Variants in OPA1 observed in about 807,000 individuals in gnomAD.
The protein encoded by OPA1 is dynamin-like GTPase OPA1, mitochondrial.
In OPA1, 59 loss-of-function variants were observed where a neutral mutation model predicts 152.9. The observed-to-expected ratio is 0.39, with a 90% CI of 0.31 to 0.48. The LOEUF (loss-of-function observed/expected upper bound fraction) is 0.48, where lower values mean the gene tolerates loss of function less well. OPA1 is among the 20% of genes least tolerant of loss of function. The pLI is 0.96. For missense variants in OPA1, 1,008 were observed against 1,216.8 expected (o/e 0.83, Z 2.55); for synonymous variants, 400 against 389.9 (o/e 1.03, Z -0.31).
intron 29 of OPA1, among the ~76,000 whole-genome samples, chr3:193,686,254 G>C (rs934435138): frequency 2.0e-5 from 3 of 152,158 alleles, no homozygotes; most frequent in Admixed American, 6.5e-5. Context: ...TTTTGAAGTA[G>C]TGAAACTAAC....
chr3:193,631,121 G>T (rs923747635), intron 7 of OPA1, among the ~76,000 whole-genome samples: 1 of 152,150 alleles, frequency 6.6e-6, no homozygotes, highest in Admixed American at 6.5e-5. Flanking sequence ...TTATGGTACA[G>T]AAATGGATAC....
chr3:193,658,856 A>C, intron 23 of OPA1, 31 bp from the exon 24 acceptor site: 10 of 1,469,434 alleles, frequency 6.8e-6, no homozygotes, highest in Non-Finnish European at 9.5e-6. Flanking sequence ...ATGTAAAACA[A>C]GTTGGCTTTT....
chr3:193,645,940 A>G (rs1734523236), intron 18 of OPA1, 140 bp downstream of exon 18: 1 of 725,540 alleles, frequency 1.4e-6, no homozygotes, highest in South Asian at 1.8e-5. Context: ...AGTGAACTGT[A>G]TCTAATAAAC....
At position 193,694,817 on chromosome 3, in the gene OPA1, A is replaced by G. The variant is rs1722112290; in HGVS notation, c.*217A>G. On this transcript the variant is annotated 3_prime_UTR_variant, in exon 31 of 31. Coordinates refer to ENST00000361510, the MANE Select transcript of OPA1 (RefSeq NM_130837.3). ...ATGGATTAACATCCTATTTTGTTGT[A>G]CTAAAGTGACAAATCGGAATAATAT... is the stretch of plus-strand genomic sequence containing the variant. 6.6e-6 allele frequency: 1 copy of G among 152,238 alleles called. No homozygotes were observed. The highest frequency in any genetic ancestry group is 2.1e-4 in the South Asian group (1 of 4,830). The allele number at this position is 152,238 out of a possible 1,614,324, so 9.4% of individuals were successfully genotyped here. A position where few individuals can be genotyped will look rare whatever the true frequency, so the allele number is the denominator to read the frequency against.
intron 9 of OPA1, 134 bp downstream of exon 9, chr3:193,635,656 A>T (rs1011763994): frequency 9.1e-6 from 6 of 661,754 alleles, no homozygotes; most frequent in Non-Finnish European, 1.4e-5. Flanking sequence ...TGGAGGATGG[A>T]GGATCTCTTC....
In OPA1 at chr3:193,696,929, C is replaced by G. The variant is rs1035809028; in HGVS notation, c.*2329C>G. 1 of 152,180 alleles carries G rather than the reference C, an allele frequency of 6.6e-6. No individual in the cohort carries two copies. The highest frequency in any genetic ancestry group is 1.5e-5 in the Non-Finnish European group (1 of 68,040). 9.4% of individuals were successfully genotyped at this position (152,180 alleles called of 1,614,324 possible). A position where few individuals can be genotyped will look rare whatever the true frequency, so the allele number is the denominator to read the frequency against. On this transcript the variant is annotated 3_prime_UTR_variant, in exon 31 of 31. Coordinates refer to ENST00000361510, the MANE Select transcript of OPA1 (RefSeq NM_130837.3). ...CGTTTAACCCACTGTGCTATAGTTG[C>G]GGGTGGAACAGTCAACCTTTCTAGT...
At chr3:193,601,705 A>G (rs909584410) in intron 1 of OPA1, among the ~76,000 whole-genome samples, 1 of 152,218 alleles carries the variant, frequency 6.6e-6, no homozygotes, top group African/African-American at 2.4e-5. Context: ...CTGCAAGCAC[A>G]ATATACGTTT....
intron 4 of OPA1, 137 bp downstream of exon 4, chr3:193,617,422 A>T (rs867869680): frequency 4.6e-6 from 3 of 658,030 alleles, no homozygotes; most frequent in Non-Finnish European, 8.1e-6. Context: ...TTTTAAAAAG[A>T]TAAACACAAA....
chr3:193,600,656 C>T (rs1222280979), intron 1 of OPA1, among the ~76,000 whole-genome samples: 2 of 152,204 alleles, frequency 1.3e-5, no homozygotes, highest in Non-Finnish European at 1.5e-5. Context: ...GATTAAGGAT[C>T]ATAGTTCGCT....
chr3:193,671,547 A>AT (rs1219438166), intron 29 of OPA1, among the ~76,000 whole-genome samples: 2 of 152,174 alleles, frequency 1.3e-5, no homozygotes, highest in African/African-American at 2.4e-5. Context: ...TTTGAAGGGG[A>AT]TCCGAGGGTT....
chr3:193,626,090 A>G lies in OPA1; in HGVS notation c.679-2A>G, dbSNP rs754105429. On this transcript the variant is annotated splice_acceptor_variant, in intron 6 of 30. Transcript: ENST00000361510. LOFTEE classifies it high-confidence loss of function. ...CTTCTCCTCATTGTGAACTCGTGGC[A>G]GGGTCTGCTTGGTGAGCTCATTCTC... 5 of 1,612,000 alleles carry G rather than the reference A, an allele frequency of 3.1e-6. No homozygotes were observed. The African/African-American group carries it at 4.0e-5, about 13-fold the overall frequency.
chr3:193,613,839 A>G (rs1577152345), intron 1 of OPA1: 1 of 485,558 alleles, frequency 2.1e-6, no homozygotes, highest in South Asian at 1.5e-5. Context: ...CAGCCTCCCA[A>G]AGTGCTGGGA....
chr3:193,666,127 T>C (rs1716478983), intron 27 of OPA1, among the ~76,000 whole-genome samples, 169 bp from the exon 28 acceptor site: 1 of 152,174 alleles, frequency 6.6e-6, no homozygotes, highest in African/African-American at 2.4e-5. Context: ...ATTTCATGGC[T>C]CCGTACAGAA....
chr3:193,633,369 G>A (rs1732411895), intron 8 of OPA1, among the ~76,000 whole-genome samples: 1 of 152,106 alleles, frequency 6.6e-6, no homozygotes, highest in Non-Finnish European at 1.5e-5. Context: ...ATCTCTTCAG[G>A]ATGGCTACAA....
At chr3:193,675,258 G>A (rs1718710211) in intron 29 of OPA1, among the ~76,000 whole-genome samples, 3 of 149,086 alleles carry the variant, frequency 2.0e-5, no homozygotes, top group Admixed American at 1.3e-4. Context: ...GAATTTTAAA[G>A]GAAGAGAGGG....
At chr3:193,676,718 C>A (rs980979747) in intron 29 of OPA1, among the ~76,000 whole-genome samples, 3 of 152,114 alleles carry the variant, frequency 2.0e-5, no homozygotes, top group Non-Finnish European at 2.9e-5. Context: ...TGGTGGCTCA[C>A]GCCTGTAATC....
intron 29 of OPA1, among the ~76,000 whole-genome samples, chr3:193,678,014 CACAGTT>C (rs1175689684): frequency 6.6e-6 from 1 of 152,172 alleles, no homozygotes; most frequent in Non-Finnish European, 1.5e-5. Flanking sequence ...TTGTTGAACT[CACAGTT>C]TCCACACTTG....
chr3:193,687,972 C>G (rs1452283402), intron 29 of OPA1, among the ~76,000 whole-genome samples: 1 of 151,916 alleles, frequency 6.6e-6, no homozygotes, highest in Non-Finnish European at 1.5e-5. Context: ...GTATCCTGAT[C>G]TGTGTTGCTT....
At chr3:193,668,707 T>G (rs1249370265) in intron 29 of OPA1, 1 of 1,356,300 alleles carries the variant, frequency 7.4e-7, no homozygotes, top group East Asian at 3.4e-5. Flanking sequence ...AGGTCAGGCA[T>G]TAACACCTGC....
Sources: gnomAD v4.1 joint callset for allele counts (sites outside exome capture counted in the v4.1 genomes callset) on GRCh38, gnomAD v4.1.1 for gene constraint, MANE v1.5 for transcripts, NCBI Gene and HGNC (gene_info 2026-07-23, HGNC 2026-07-21) for gene names.